ZFHX4: variants seen among roughly 807,000 people sequenced by gnomAD.
The protein encoded by ZFHX4 is zinc finger homeobox protein 4.
ZFHX4 carries 56 observed loss-of-function variants against 267.6 expected under a neutral mutation model. The ratio of observed to expected loss-of-function variants is 0.21; its 90% confidence interval spans 0.17 to 0.26. The LOEUF is 0.26. ZFHX4 is among the 10% of genes least tolerant of loss of function. ZFHX4 has a pLI of 1.00. For missense variants in ZFHX4, 4,332 were observed against 4,420.0 expected (o/e 0.98, Z 0.56); for synonymous variants, 1,778 against 1,665.6 (o/e 1.07, Z -1.64).
At chr8:76,849,378 A>G (rs947088062) in intron 7 of ZFHX4, 134 bp from the exon 8 acceptor site, 4 of 899,292 alleles carry the variant, frequency 4.4e-6, no homozygotes, top group Non-Finnish European at 7.0e-6. Context: ...TGGATATCCC[A>G]TTTACCCTGA....
chr8:76,832,002 T>TGGG lies in ZFHX4; in HGVS notation c.3326-1329_3326-1327dup, dbSNP rs5892567. Among the ~76,000 whole-genome samples, 161 of 144,698 alleles carry TGGG rather than the reference T, an allele frequency of 1.1e-3. 1 individual carries two copies. Among genetic ancestry groups the TGGG allele is most frequent in the East Asian group, 8.3e-3 (38 of 4,594 alleles). 94.9% of individuals were successfully genotyped at this position (144,698 alleles called of 152,430 possible). On this transcript the variant is annotated intron_variant, in intron 4 of 10. Coordinates refer to ENST00000651372, the MANE Select transcript of ZFHX4 (RefSeq NM_024721.5). ...GAATTTAACATAATGGTTTTTTTAG[T>TGGG]GGGGGGGGGCACTGAGTGTTTATTA...
intron 4 of ZFHX4, among the ~76,000 whole-genome samples, chr8:76,806,311 C>T (rs1371680976): frequency 2.0e-5 from 3 of 152,060 alleles, no homozygotes; most frequent in Admixed American, 6.6e-5. Context: ...ATGAGATGGC[C>T]GTATGAAATT....
intron 3 of ZFHX4, among the ~76,000 whole-genome samples, chr8:76,720,869 T>C (rs1298120250): frequency 6.6e-6 from 1 of 152,192 alleles, no homozygotes; most frequent in Non-Finnish European, 1.5e-5. Context: ...ACTAAGGCAA[T>C]GAAATCTTAA....
chr8:76,737,757 A>T (rs1374456209), intron 3 of ZFHX4, among the ~76,000 whole-genome samples: 1 of 152,214 alleles, frequency 6.6e-6, no homozygotes, highest in African/African-American at 2.4e-5. Context: ...AAGCTATTAT[A>T]TGGAGACAAG....
In ZFHX4 at chr8:76,704,068, G is replaced by A; in HGVS notation, c.-21G>A. 6.3e-7 allele frequency: 1 copy of A among 1,575,900 alleles called. No homozygotes were observed. Among genetic ancestry groups the A allele is most frequent in the East Asian group, 2.2e-5 (1 of 44,606 alleles). ...GTCCCTGACAGGCTGGATGAAATGA[G>A]ATCCCCATGTAGCAATTGCCATGGA... On this transcript the variant is annotated 5_prime_UTR_variant, in exon 2 of 11. Coordinates refer to ENST00000651372, the MANE Select transcript of ZFHX4 (RefSeq NM_024721.5).
In ZFHX4 at chr8:76,855,503, ATGACAAATT is replaced by A; in HGVS notation, c.8584_8592del (p.Asp2862_Phe2864del). ...ACCACACCTACCACGGAGGTCTGCG[ATGACAAATT>A]TCTCTTTTCTCTCACAAGCCCATCC... On this transcript the variant is annotated inframe_deletion, in exon 10 of 11. Coordinates refer to ENST00000651372, the MANE Select transcript of ZFHX4 (RefSeq NM_024721.5). 6.2e-7 allele frequency: 1 copy of A among 1,613,846 alleles called. No homozygotes were observed. Among genetic ancestry groups the A allele is most frequent in the Non-Finnish European group, 8.5e-7 (1 of 1,179,874 alleles).
chr8:76,773,495 C>G (rs1431835807), intron 3 of ZFHX4, among the ~76,000 whole-genome samples: 1 of 152,036 alleles, frequency 6.6e-6, no homozygotes, highest in African/African-American at 2.4e-5. Context: ...TTATTTTATT[C>G]TAGCGCTTTG....
rs768311097 is a variant in ZFHX4 at position 76,706,359 on chromosome 8, T to C, written c.2271T>C (p.Ser757=). ...GCCTCAGTGGCTGCGGAACACCCTC[T>C]CCGTCCAAACCCAAACAGAAACCCA... The part of the protein sequence containing the change: ...NTSLSGCGTP[S]PSKPKQKPTW... The change falls in exon 2 of 11, where the codon TCT becomes TCC. Residue 757 remains serine, a synonymous_variant. Coordinates refer to ENST00000651372, the MANE Select transcript of ZFHX4 (RefSeq NM_024721.5). 3.7e-6 allele frequency: 6 copies of C among 1,614,006 alleles called. No homozygotes were observed. In the East Asian group the frequency reaches 1.3e-4, roughly 36 times the overall value.
chr8:76,834,848 T>C (rs1812028496), intron 5 of ZFHX4, among the ~76,000 whole-genome samples: 2 of 152,016 alleles, frequency 1.3e-5, no homozygotes, highest in African/African-American at 2.4e-5. Context: ...TTTTCCCTTA[T>C]GTTATCTTCT....
At chr8:76,737,138 TCA>T (rs1809184446) in intron 3 of ZFHX4, among the ~76,000 whole-genome samples, 1 of 152,150 alleles carries the variant, frequency 6.6e-6, no homozygotes, top group Non-Finnish European at 1.5e-5. Flanking sequence ...CTATCTACAA[TCA>T]CAGTGTTTTA....
At chr8:76,843,113 T>C (rs1812279153) in intron 6 of ZFHX4, among the ~76,000 whole-genome samples, 1 of 152,230 alleles carries the variant, frequency 6.6e-6, no homozygotes, top group Non-Finnish European at 1.5e-5. Flanking sequence ...TACTTGTGAT[T>C]CCTCTGATGG....
chr8:76,707,034 G>A (rs77392444), intron 2 of ZFHX4, among the ~76,000 whole-genome samples: 4,091 of 152,196 alleles, frequency 0.027, 208 homozygotes, highest in East Asian at 0.24. Context: ...TATCAAACGA[G>A]CTTTAAAAGG....
At chr8:76,840,376 T>A (rs192411945) in intron 5 of ZFHX4, among the ~76,000 whole-genome samples, 7 of 152,282 alleles carry the variant, frequency 4.6e-5, no homozygotes, top group Non-Finnish European at 8.8e-5. Context: ...TTTGTTCACA[T>A]TCAGATTTCT....
chr8:76,799,718 C>A (rs368677334), intron 4 of ZFHX4, among the ~76,000 whole-genome samples: 3 of 152,022 alleles, frequency 2.0e-5, no homozygotes, highest in African/African-American at 7.2e-5. Context: ...CTAGAGTGTA[C>A]CATTTCTATT....
intron 3 of ZFHX4, among the ~76,000 whole-genome samples, chr8:76,718,615 C>T (rs1002220793): frequency 6.6e-6 from 1 of 151,946 alleles, no homozygotes; most frequent in Non-Finnish European, 1.5e-5. Flanking sequence ...AGTCTTGGCT[C>T]TCTTAATTCT....
chr8:76,852,123 G>A lies in ZFHX4; in HGVS notation c.5202G>A (p.Gln1734=), dbSNP rs531553888. ...CAGAAGCACTGCTGCAGTTTCAGCA[G>A]CCTCAGTTTCTCTTTCCATTTTATA... ...MTPEALLQFQ[Q]PQFLFPFYIP... is the part of the protein sequence containing the mutation. Residue 1734 remains glutamine (Q), a synonymous_variant, in exon 10 of 11, where the codon CAG becomes CAA. Transcript: ENST00000651372. The A allele has an allele frequency of 1.2e-6, 2 of 1,613,934 alleles. No individual in the cohort carries two copies. The highest frequency in any genetic ancestry group is 3.3e-5 in the Admixed American group (2 of 60,024).
chr8:76,778,777 T>C (rs1810472374), intron 4 of ZFHX4, among the ~76,000 whole-genome samples: 1 of 152,202 alleles, frequency 6.6e-6, no homozygotes, highest in African/African-American at 2.4e-5. Flanking sequence ...AATTTGGCTT[T>C]CATTTAAAAG....
chr8:76,713,316 G>GATAGATAGATAA (rs1808478995), intron 3 of ZFHX4, among the ~76,000 whole-genome samples: 1 of 151,446 alleles, frequency 6.6e-6, no homozygotes, highest in African/African-American at 2.4e-5. Flanking sequence ...TAGATAGATA[G>GATAGATAGATAA]ATGATAGACA....
At chr8:76,776,435 G>T (rs1480275544) in intron 3 of ZFHX4, among the ~76,000 whole-genome samples, 1 of 152,088 alleles carries the variant, frequency 6.6e-6, no homozygotes, top group Non-Finnish European at 1.5e-5. Context: ...ACTAGAGAAG[G>T]TCAATTCCTG....
Sources: gnomAD v4.1 joint callset for allele counts (sites outside exome capture counted in the v4.1 genomes callset) on GRCh38, gnomAD v4.1.1 for gene constraint, MANE v1.5 for transcripts, NCBI Gene and HGNC (gene_info 2026-07-23, HGNC 2026-07-21) for gene names.